GNG7: variants seen among roughly 807,000 people sequenced by gnomAD.
The protein encoded by GNG7 is G protein subunit gamma 7, also known as guanine nucleotide-binding protein G(I)/G(S)/G(O) subunit gamma-7.
Under a neutral mutation model 4.0 loss-of-function variants are expected in GNG7, and 1 was observed. The ratio of observed to expected loss-of-function variants is 0.25; its 90% confidence interval spans 0.09 to 1.18. The LOEUF (loss-of-function observed/expected upper bound fraction) is 1.18, where lower values mean the gene tolerates loss of function less well. Ranked by LOEUF, GNG7 falls within the 50% of genes most tolerant of loss-of-function variation. The pLI, the probability that GNG7 is intolerant of heterozygous loss-of-function variation, is 0.50. For missense variants in GNG7, 86 were observed against 91.9 expected (o/e 0.94, Z 0.26); for synonymous variants, 34 against 36.9 (o/e 0.92, Z 0.29).
Position 2,557,084 on chromosome 19 carries a change from C to T in GNG7, c.-77-1896G>A, listed in dbSNP as rs564173945. On this transcript the variant is annotated intron_variant, in intron 2 of 4. Transcript: ENST00000382159. This position sits in a 1 kb window ranked among gnomAD's most constrained non-coding sequence, Gnocchi z 5.1. The stretch of plus-strand genomic sequence containing the variant: ...GCACGCACACAGACACACGCACACA[C>T]GTGCACACAGGAATACTCAGACACA... Among the ~76,000 whole-genome samples the T allele has an allele frequency of 7.9e-5, 12 of 151,738 alleles. No homozygotes were observed. The highest frequency in any genetic ancestry group is 2.2e-4 in the African/African-American group (9 of 41,350).
chr19:2,603,919 C>T (rs1052879179), intron 2 of GNG7, among the ~76,000 whole-genome samples: 5 of 151,816 alleles, frequency 3.3e-5, no homozygotes, highest in African/African-American at 1.2e-4. Flanking sequence ...GGTGCAATCT[C>T]GGCTCACTGC....
In GNG7 at chr19:2,609,032, CTT is replaced by C. The variant is rs1014496220; in HGVS notation, c.-78+37190_-78+37191del. 3.9e-4 allele frequency among the ~76,000 whole-genome samples: 44 copies of C among 113,662 alleles called. No homozygotes were observed. Among genetic ancestry groups the C allele is most frequent in the East Asian group, 1.7e-3 (7 of 4,132 alleles). 74.6% of individuals were successfully genotyped at this position (113,662 alleles called of 152,430 possible). On this transcript the variant is annotated intron_variant, in intron 2 of 4. Transcript: ENST00000382159. The surrounding 1 kb of genome is among the most constrained non-coding windows in gnomAD (Gnocchi z 4.4). Reference sequence around the variant, plus strand: ...ACATTCTCTCTCTCTCTCTCTCTCTCTTTTTTTGTTTTGAGACAGGGTCTCAC... The same window carrying C: ...ACATTCTCTCTCTCTCTCTCTCTCTCTTTTTGTTTTGAGACAGGGTCTCAC...
At chr19:2,693,448 A>G (rs1010735017) in intron 1 of GNG7, among the ~76,000 whole-genome samples, 1 of 151,894 alleles carries the variant, frequency 6.6e-6, no homozygotes, top group Admixed American at 6.6e-5. Context: ...AGAAAAAAAG[A>G]AAGAAAAGAA....
At chr19:2,601,805 G>A (rs1981206708) in intron 2 of GNG7, among the ~76,000 whole-genome samples, 1 of 152,000 alleles carries the variant, frequency 6.6e-6, no homozygotes, top group Admixed American at 6.6e-5. Flanking sequence ...TACTAGGGAG[G>A]TTGAAGCGGG....
At chr19:2,644,761 C>A (rs983071536) in intron 2 of GNG7, among the ~76,000 whole-genome samples, 3 of 152,152 alleles carry the variant, frequency 2.0e-5, no homozygotes, top group African/African-American at 7.2e-5. Context: ...CTGAGCGTGA[C>A]GTCCTCAAGG....
chr19:2,536,432 A>G (rs1421953628), intron 3 of GNG7, among the ~76,000 whole-genome samples: 1 of 151,980 alleles, frequency 6.6e-6, no homozygotes. Flanking sequence ...AAAAAAAAGA[A>G]AAGAAAAGAA....
Position 2,524,098 on chromosome 19 carries a change from C to T in GNG7, c.-37-3373G>A, listed in dbSNP as rs560980959. On this transcript the variant is annotated intron_variant, in intron 3 of 4. Coordinates refer to ENST00000382159, the MANE Select transcript of GNG7 (RefSeq NM_052847.3). ...GCAGAGAACAAACGGGCTGGCCGCACCTCCTGTTTTCCTTGGAAGGCCAGG... is the reference window on the plus strand; with the variant it reads ...GCAGAGAACAAACGGGCTGGCCGCATCTCCTGTTTTCCTTGGAAGGCCAGG... Among the ~76,000 whole-genome samples the T allele has an allele frequency of 4.6e-5, 7 of 152,364 alleles. No individual in the cohort carries two copies. The East Asian group carries it at 1.3e-3, about 29-fold the overall frequency.
chr19:2,526,659 ATATT>A (rs1978407252), intron 3 of GNG7, among the ~76,000 whole-genome samples: 1 of 149,512 alleles, frequency 6.7e-6, no homozygotes, highest in Non-Finnish European at 1.5e-5. Flanking sequence ...TACATATTTT[ATATT>A]TATTCATCAT....
At chr19:2,539,809 T>C (rs740670) in intron 3 of GNG7, among the ~76,000 whole-genome samples, 97,693 of 150,962 alleles carry the variant, frequency 0.65, 32,624 homozygotes, top group African/African-American at 0.83. Flanking sequence ...GCATTCTAAA[T>C]ACACACCATC....
At chr19:2,575,793 GCA>G (rs1367437471) in intron 2 of GNG7, among the ~76,000 whole-genome samples, 1 of 99,196 alleles carries the variant, frequency 1.0e-5, no homozygotes, top group East Asian at 3.1e-4. Context: ...AGACACGCAG[GCA>G]CACACAGACA....
rs1982019125 is a variant in GNG7 at position 2,626,256 on chromosome 19, CT to C, written c.-78+19967del. 6.6e-6 allele frequency among the ~76,000 whole-genome samples: 1 copy of C among 152,206 alleles called. No individual in the cohort carries two copies. The highest frequency in any genetic ancestry group is 6.5e-5 in the Admixed American group (1 of 15,286). ...CCGCCCCAGGCCTGAAGCCGGCCCC[CT>C]GCCCCAAACCAGCCTGACCAGCGGC... On this transcript the variant is annotated intron_variant, in intron 2 of 4. Transcript: ENST00000382159. The surrounding 1 kb of genome is among the most constrained non-coding windows in gnomAD (Gnocchi z 5.0).
intron 1 of GNG7, among the ~76,000 whole-genome samples, chr19:2,650,133 C>T (rs905838292): frequency 6.7e-6 from 1 of 150,212 alleles, no homozygotes; most frequent in African/African-American, 2.5e-5. Flanking sequence ...CTCGTTCCTT[C>T]TTGTTGGCAA....
chr19:2,692,492 G>A lies in GNG7; in HGVS notation c.-135+10154C>T, dbSNP rs148997151. Among the ~76,000 whole-genome samples, 1,229 of 152,040 alleles carry A rather than the reference G, an allele frequency of 8.1e-3. 29 individuals carry two copies. Among genetic ancestry groups the A allele is most frequent in the African/African-American group, 0.028 (1,150 of 41,408 alleles). ...CTACTAAAAATACAAAAAATCAGCC[G>A]GGTGTGGTGGCGGGCGTCTGTAGTC... On this transcript the variant is annotated intron_variant, in intron 1 of 4. Transcript: ENST00000382159.
intron 3 of GNG7, among the ~76,000 whole-genome samples, chr19:2,533,214 G>T (rs879477385): frequency 1.5e-4 from 23 of 148,404 alleles, no homozygotes; most frequent in African/African-American, 5.6e-4. Flanking sequence ...TTAAATATTA[G>T]TATTTAATTA....
intron 1 of GNG7, among the ~76,000 whole-genome samples, chr19:2,697,957 C>T (rs781198313): frequency 1.4e-5 from 2 of 147,926 alleles, no homozygotes; most frequent in African/African-American, 2.5e-5. Flanking sequence ...GGGCAATGAA[C>T]GAGACCACAT....
chr19:2,673,934 T>A (rs549600099), intron 1 of GNG7, among the ~76,000 whole-genome samples: 2 of 152,146 alleles, frequency 1.3e-5, no homozygotes, highest in Non-Finnish European at 2.9e-5. Flanking sequence ...ATTAGCTAAC[T>A]AATATAGGCT....
intron 2 of GNG7, among the ~76,000 whole-genome samples, chr19:2,573,664 G>A (rs908002402): frequency 1.3e-4 from 19 of 151,984 alleles, no homozygotes; most frequent in South Asian, 8.3e-4. Flanking sequence ...TGTTCACGGC[G>A]AAACCCCGTC....
intron 2 of GNG7, among the ~76,000 whole-genome samples, chr19:2,563,419 G>A (rs1979807707): frequency 6.6e-6 from 1 of 152,158 alleles, no homozygotes; most frequent in Admixed American, 6.6e-5. Context: ...TACCAGAAAT[G>A]TCCCCACATT....
intron 2 of GNG7, among the ~76,000 whole-genome samples, chr19:2,562,051 G>A (rs1213151025): frequency 6.6e-6 from 1 of 152,020 alleles, no homozygotes; most frequent in East Asian, 1.9e-4. Context: ...CCCTTCCTCC[G>A]ACATTTCTCT....
Sources: allele counts gnomAD v4.1 joint callset (sites outside exome capture counted in the v4.1 genomes callset), GRCh38; gene constraint gnomAD v4.1.1; non-coding constraint Gnocchi (gnomAD v3.1); transcripts MANE v1.5; gene names NCBI Gene and HGNC (gene_info 2026-07-23, HGNC 2026-07-21).